Variants in POLD3 observed in about 807,000 individuals in gnomAD.
POLD3 encodes the protein DNA polymerase delta 3, accessory subunit, also known as DNA polymerase delta subunit 3.
In POLD3, 19 loss-of-function variants were observed where a neutral mutation model predicts 58.2. That is an observed-to-expected ratio of 0.33 (90% confidence interval 0.23 to 0.48). POLD3 has a LOEUF of 0.48. POLD3 is among the 20% of genes least tolerant of loss of function. The pLI, the probability that POLD3 is intolerant of heterozygous loss-of-function variation, is 0.99. For missense variants in POLD3, 504 were observed against 545.5 expected (o/e 0.92, Z 0.76); for synonymous variants, 172 against 193.5 (o/e 0.89, Z 0.92).
chr11:74,668,403 G>A (rs1463933480), intron 4 of POLD3, among the ~76,000 whole-genome samples: 1 of 152,138 alleles, frequency 6.6e-6, no homozygotes, highest in African/African-American at 2.4e-5. Flanking sequence ...TAAAAGGAAT[G>A]AAATATTGAT....
intron 4 of POLD3, among the ~76,000 whole-genome samples, chr11:74,651,509 T>C (rs1287715962): frequency 6.6e-6 from 1 of 152,136 alleles, no homozygotes; most frequent in African/African-American, 2.4e-5. Context: ...AAATAAATAA[T>C]TGCATGAACA....
intron 2 of POLD3, among the ~76,000 whole-genome samples, chr11:74,598,283 A>G (rs1483076957): frequency 6.6e-6 from 1 of 152,184 alleles, no homozygotes; most frequent in Non-Finnish European, 1.5e-5. Context: ...AGGGTCCAGC[A>G]TCATTTTTTT....
intron 4 of POLD3, among the ~76,000 whole-genome samples, chr11:74,648,857 T>A (rs1473315902): frequency 6.6e-6 from 1 of 152,198 alleles, no homozygotes; most frequent in Non-Finnish European, 1.5e-5. Context: ...TGAACCTGTA[T>A]CTTGAGTTAG....
rs1491467177 is a variant in POLD3, at chr11:74,609,373, T to TATATATATATATATATA, written c.220-2126_220-2125insATATATATATATATATA. 2.1e-3 allele frequency among the ~76,000 whole-genome samples: 33 copies of TATATATATATATATATA among 15,948 alleles called. 1 individual carries two copies. The highest frequency in any genetic ancestry group is 2.9e-3 in the East Asian group (2 of 678). 10.5% of individuals were successfully genotyped at this position (15,948 alleles called of 152,430 possible). A position where few individuals can be genotyped will look rare whatever the true frequency, so the allele number is the denominator to read the frequency against. On this transcript the variant is annotated intron_variant, in intron 3 of 11. Coordinates refer to ENST00000263681, the MANE Select transcript of POLD3 (RefSeq NM_006591.3). ...ATATATATATATATATATATATATA[T>TATATATATATATATATA]TTTTTTTTTTTTTTTTTTTTTTTTT...
chr11:74,611,590 G>A (rs1487970502), intron 4 of POLD3, 52 bp downstream of exon 4: 1 of 1,011,430 alleles, frequency 9.9e-7, no homozygotes, highest in South Asian at 1.4e-5. Context: ...ATCAGTGTAG[G>A]TGCAATAAAA....
intron 5 of POLD3, 111 bp from the exon 6 acceptor site, chr11:74,618,426 G>A: frequency 1.3e-6 from 1 of 747,194 alleles, no homozygotes; most frequent in Non-Finnish European, 2.2e-6. Flanking sequence ...GAAGAAGCAA[G>A]AGTTTGAAAA....
chr11:74,608,543 C>G (rs1318643256), intron 3 of POLD3, among the ~76,000 whole-genome samples: 2 of 152,174 alleles, frequency 1.3e-5, no homozygotes, highest in African/African-American at 4.8e-5. Flanking sequence ...TGTGGATGCT[C>G]CCTAACTCCC....
At chr11:74,613,124 T>G in intron 5 of POLD3, 114 bp downstream of exon 5, 2 of 925,598 alleles carry the variant, frequency 2.2e-6, no homozygotes, top group Non-Finnish European at 3.3e-6. Context: ...CCATTTATCT[T>G]GCAGTAAGAA....
downstream of POLD3, among the ~76,000 whole-genome samples, chr11:74,644,284 C>T (rs143973608): frequency 1.3e-4 from 20 of 152,334 alleles, no homozygotes; most frequent in Non-Finnish European, 1.9e-4. Flanking sequence ...TGTCAAGACT[C>T]GTTTTGGTAA....
intron 2 of POLD3, among the ~76,000 whole-genome samples, chr11:74,600,861 G>A (rs1282708056): frequency 6.6e-6 from 1 of 151,722 alleles, no homozygotes; most frequent in Non-Finnish European, 1.5e-5. Flanking sequence ...GGGATTACGG[G>A]CATGCGCCAC....
At chr11:74,607,879 T>C (rs112199136) in intron 3 of POLD3, among the ~76,000 whole-genome samples, 36 of 152,306 alleles carry the variant, frequency 2.4e-4, no homozygotes, top group African/African-American at 8.2e-4. Flanking sequence ...ATTACAGAAG[T>C]GAGCCACTGT....
intron 2 of POLD3, among the ~76,000 whole-genome samples, chr11:74,603,000 C>A (rs1164322138): frequency 1.3e-5 from 2 of 152,168 alleles, no homozygotes; most frequent in South Asian, 4.1e-4. Flanking sequence ...TCTCAGGCAC[C>A]CTCTGTCCTC....
At chr11:74,594,384 C>T (rs535986831) in intron 2 of POLD3, among the ~76,000 whole-genome samples, 25 of 152,120 alleles carry the variant, frequency 1.6e-4, no homozygotes, top group Non-Finnish European at 3.5e-4. Flanking sequence ...CCAATATGAC[C>T]TTGTCTTAAC....
At position 74,641,061 on chromosome 11, in the gene POLD3, T is replaced by C. The variant is rs2032900753; in HGVS notation, c.*295T>C. On this transcript the variant is annotated 3_prime_UTR_variant, in exon 12 of 12. Transcript: ENST00000263681. The stretch of plus-strand genomic sequence containing the variant: ...CTGGAACAGTTTTCAGAATTCTCAC[T>C]GAAGCCATTTAGTGGCTAACCCACT... The C allele has an allele frequency of 9.5e-7, 1 of 1,054,514 alleles. No homozygotes were observed. Among genetic ancestry groups the C allele is most frequent in the Non-Finnish European group, 1.1e-6 (1 of 875,672 alleles). The allele number at this position is 1,054,514 out of a possible 1,614,324, so 65.3% of individuals were successfully genotyped here.
rs1226734262 is a variant in POLD3 at position 74,641,743 on chromosome 11, TAGTG to T, written c.*980_*983del. The T allele has an allele frequency of 2.0e-6, 2 of 985,256 alleles. No homozygotes were observed. The highest frequency in any genetic ancestry group is 1.7e-5 in the African/African-American group (1 of 57,228). The allele number at this position is 985,256 out of a possible 1,614,324, so 61.0% of individuals were successfully genotyped here. ...CAAAAACAGCACTTTTCCAGGAAGT[TAGTG>T]AGGAAGATAAGGCACACATTTATTT... On this transcript the variant is annotated 3_prime_UTR_variant, in exon 12 of 12. Transcript: ENST00000263681.
At chr11:74,647,965 C>T (rs61900635), downstream of POLD3, among the ~76,000 whole-genome samples, 1 of 152,082 alleles carries the variant, frequency 6.6e-6, no homozygotes, top group Non-Finnish European at 1.5e-5. Context: ...ATCCTCACAA[C>T]ACTTTATTTA....
At chr11:74,660,496 T>C (rs569954340) in intron 4 of POLD3, among the ~76,000 whole-genome samples, 2 of 152,260 alleles carry the variant, frequency 1.3e-5, no homozygotes, top group South Asian at 4.1e-4. Context: ...CATTCTTTAT[T>C]ATTATTTTTT....
chr11:74,652,508 T>G (rs987864884), intron 4 of POLD3: 2 of 152,214 alleles, frequency 1.3e-5, no homozygotes, highest in African/African-American at 4.8e-5. Flanking sequence ...TCATACATAT[T>G]TTGTTCACTT....
intron 4 of POLD3, among the ~76,000 whole-genome samples, chr11:74,667,525 G>A (rs892981625): frequency 4.0e-5 from 6 of 151,810 alleles, no homozygotes; most frequent in Admixed American, 1.3e-4. Flanking sequence ...GTGAGACTCC[G>A]TCTCAAAAAA....
Sources: gnomAD v4.1 joint callset for allele counts (sites outside exome capture counted in the v4.1 genomes callset) on GRCh38, gnomAD v4.1.1 for gene constraint, MANE v1.5 for transcripts, NCBI Gene and HGNC (gene_info 2026-07-23, HGNC 2026-07-21) for gene names.